The following ULK4 variants were observed in gnomAD, a reference collection of about 807,000 sequenced individuals.
ULK4 encodes the protein inactive serine/threonine-protein kinase ULK4.
ULK4 carries 133 observed loss-of-function variants against 160.6 expected under a neutral mutation model. The ratio of observed to expected loss-of-function variants is 0.83; its 90% CI spans 0.72 to 0.96. ULK4 has a LOEUF of 0.96. Ranked by LOEUF, ULK4 falls within the 40% of genes least tolerant of loss-of-function variation. The probability of loss-of-function intolerance (pLI) is 0.00; values close to 1 mark genes in which losing one functional copy is unlikely to be tolerated. For missense variants in ULK4, 1,580 were observed against 1,499.5 expected, an observed-to-expected ratio of 1.05 and a Z score of -0.89; for synonymous variants, 534 against 539.8, an observed-to-expected ratio of 0.99 and a Z score of 0.15.
intron 18 of ULK4, among the ~76,000 whole-genome samples, chr3:41,832,344 G>T (rs1320597510): frequency 6.6e-6 from 1 of 152,072 alleles, no homozygotes; most frequent in African/African-American, 2.4e-5. Context: ...GTCTTATTTT[G>T]AGAAATGTCT....
intron 2 of ULK4, among the ~76,000 whole-genome samples, chr3:41,940,846 A>T (rs1383563546): frequency 6.6e-6 from 1 of 152,222 alleles, no homozygotes; most frequent in Non-Finnish European, 1.5e-5. Context: ...TTGTGCATAA[A>T]AAACAAATGA....
chr3:41,366,595 GTATA>G (rs1032149114), intron 35 of ULK4, among the ~76,000 whole-genome samples: 2 of 150,122 alleles, frequency 1.3e-5, no homozygotes. Flanking sequence ...TACCTATTAT[GTATA>G]TATACACACA....
intron 32 of ULK4, among the ~76,000 whole-genome samples, chr3:41,556,700 G>A (rs776617310): frequency 2.8e-4 from 43 of 151,848 alleles, no homozygotes; most frequent in Non-Finnish European, 3.7e-4. Flanking sequence ...TGTTAGCCAG[G>A]ATGGTCTCCA....
chr3:41,305,103 G>A (rs1349216644), intron 35 of ULK4, among the ~76,000 whole-genome samples: 1 of 152,208 alleles, frequency 6.6e-6, no homozygotes, highest in Admixed American at 6.5e-5. Flanking sequence ...ATGTGAATAG[G>A]AATGAGGACA....
intron 34 of ULK4, among the ~76,000 whole-genome samples, chr3:41,433,584 A>G (rs1007185654): frequency 6.6e-6 from 1 of 152,180 alleles, no homozygotes; most frequent in African/African-American, 2.4e-5. Context: ...ACACACACCT[A>G]GAAGCTTAAA....
At chr3:41,887,203 T>C (rs1697757390) in intron 16 of ULK4, among the ~76,000 whole-genome samples, 2 of 152,352 alleles carry the variant, frequency 1.3e-5, no homozygotes, top group South Asian at 4.1e-4. Context: ...TAATCACTCA[T>C]CTTTCTTATG....
intron 35 of ULK4, among the ~76,000 whole-genome samples, chr3:41,320,997 G>T (rs1253414608): frequency 6.6e-6 from 1 of 151,934 alleles, no homozygotes; most frequent in East Asian, 1.9e-4. Flanking sequence ...TTAATGCAAT[G>T]ATATCTCACT....
intron 29 of ULK4, among the ~76,000 whole-genome samples, chr3:41,666,774 A>G (rs1032420975): frequency 1.3e-5 from 2 of 152,348 alleles, no homozygotes; most frequent in African/African-American, 4.8e-5. Flanking sequence ...TAGAAATATA[A>G]CAGAAAAAAA....
At chr3:41,778,037 C>T in intron 21 of ULK4, among the ~76,000 whole-genome samples, 1 of 128,722 alleles carries the variant, frequency 7.8e-6, no homozygotes, top group South Asian at 2.4e-4. Context: ...AAGAGGAAGT[C>T]AAATTGTCCC....
rs1306198960 is a variant in ULK4, at chr3:41,731,212, G to GA, written c.2322-13352dup. ...GCATCCAAACTGGAAAAAAAAATAA[G>GA]AAAAAAAAAGGGACTCCAATTGTTC... On this transcript the variant is annotated intron_variant, in intron 22 of 36. Coordinates refer to ENST00000301831, the MANE Select transcript of ULK4 (RefSeq NM_017886.4). 6.4e-4 allele frequency among the ~76,000 whole-genome samples: 94 copies of GA among 147,572 alleles called. 2 individuals carry two copies. In the East Asian group the frequency reaches 0.019, roughly 29 times the overall value.
chr3:41,603,931 C>G (rs746611367), intron 31 of ULK4, among the ~76,000 whole-genome samples: 3 of 152,062 alleles, frequency 2.0e-5, no homozygotes, highest in African/African-American at 4.8e-5. Flanking sequence ...TATACCATAA[C>G]TATTCAATAG....
At chr3:41,684,347 T>C (rs2036028785) in intron 27 of ULK4, among the ~76,000 whole-genome samples, 1 of 152,228 alleles carries the variant, frequency 6.6e-6, no homozygotes, top group Non-Finnish European at 1.5e-5. Flanking sequence ...CCTATAAGCC[T>C]GCTGTTTGGC....
At chr3:41,902,358 TC>T (rs1698402167) in intron 12 of ULK4, among the ~76,000 whole-genome samples, 1 of 151,924 alleles carries the variant, frequency 6.6e-6, no homozygotes, top group Admixed American at 6.6e-5. Context: ...GGTGGGCACA[TC>T]ACGAGGTCAG....
At chr3:41,861,038 A>T (rs2042487718) in intron 17 of ULK4, among the ~76,000 whole-genome samples, 1 of 152,206 alleles carries the variant, frequency 6.6e-6, no homozygotes, top group Non-Finnish European at 1.5e-5. Context: ...GAAAAACTCT[A>T]TGCCTTAATA....
At chr3:41,804,288 TG>T (rs953713365) in intron 19 of ULK4, among the ~76,000 whole-genome samples, 1 of 152,232 alleles carries the variant, frequency 6.6e-6, no homozygotes, top group Non-Finnish European at 1.5e-5. Flanking sequence ...TGTCTTCTTT[TG>T]AGAAGTGTCT....
chr3:41,454,539 C>CAAAAAAAAAAAAAAAAAAAAAAAAA (rs11286615), intron 34 of ULK4, among the ~76,000 whole-genome samples: 1 of 90,952 alleles, frequency 1.1e-5, no homozygotes. Context: ...GACTTCATCT[C>CAAAAAAAAAAAAAAAAAAAAAAAAA]AAAAAAAAAA....
intron 19 of ULK4, among the ~76,000 whole-genome samples, chr3:41,806,241 A>G (rs573855583): frequency 0.07 from 10,456 of 148,996 alleles, 1,189 homozygotes; most frequent in African/African-American, 0.24. Flanking sequence ...GAATTTATCC[A>G]TTGCTTCTAG....
chr3:41,750,166 G>T (rs1011859059), intron 22 of ULK4, among the ~76,000 whole-genome samples: 3 of 152,164 alleles, frequency 2.0e-5, no homozygotes, highest in African/African-American at 7.2e-5. Flanking sequence ...CTGACCCATG[G>T]AAACTGTCAG....
intron 27 of ULK4, among the ~76,000 whole-genome samples, chr3:41,688,334 G>A (rs898202921): frequency 1.3e-5 from 2 of 152,094 alleles, no homozygotes; most frequent in Non-Finnish European, 2.9e-5. Flanking sequence ...TGGGAGAATC[G>A]CTTGAGCCCA....
Sources: allele counts gnomAD v4.1 joint callset (sites outside exome capture counted in the v4.1 genomes callset), GRCh38; gene constraint gnomAD v4.1.1; transcripts MANE v1.5; gene names NCBI Gene and HGNC (gene_info 2026-07-23, HGNC 2026-07-21).